Variants in PTGES3 observed in about 807,000 individuals in gnomAD.
PTGES3 encodes Hsp90 co-chaperone.
In PTGES3, 5 loss-of-function variants were observed where a neutral mutation model predicts 29.9. The ratio of observed to expected loss-of-function variants is 0.17; its 90% CI spans 0.09 to 0.35. PTGES3 has a LOEUF of 0.35. PTGES3 is among the 10% of genes least tolerant of loss of function. The pLI is 1.00. For missense variants in PTGES3, 128 were observed against 190.0 expected (o/e 0.67, Z 1.92); for synonymous variants, 49 against 57.8 (o/e 0.85, Z 0.69).
chr12:56,675,239 G>A (rs942237886), intron 1 of PTGES3, among the ~76,000 whole-genome samples: 1 of 151,694 alleles, frequency 6.6e-6, no homozygotes, highest in African/African-American at 2.4e-5. Flanking sequence ...GGTAGAGGTT[G>A]CAGCGAGCCA....
rs1952543724 is a variant in PTGES3 at position 56,681,542 on chromosome 12, A to AG, written c.2+6455_2+6456insC. Among the ~76,000 whole-genome samples, 4 of 142,052 alleles carry AG rather than the reference A, an allele frequency of 2.8e-5. No homozygotes were observed. The South Asian group carries it at 9.4e-4, about 33-fold the overall frequency. The allele number at this position is 142,052 out of a possible 152,430, so 93.2% of individuals were successfully genotyped here. On this transcript the variant is annotated intron_variant, in intron 1 of 7. Transcript: ENST00000262033. ...AACAGAGTGAGACTCCATCTCAAAA[A>AG]AAAAAAAAAAAAAAAAAAAGAATCA...
chr12:56,683,473 C>CAAAAAAAAAAAAAAAAAAAAA lies in PTGES3; in HGVS notation c.2+4504_2+4524dup, dbSNP rs71081388. Among the ~76,000 whole-genome samples, 12 of 29,760 alleles carry CAAAAAAAAAAAAAAAAAAAAA rather than the reference C, an allele frequency of 4.0e-4. 4 individuals are homozygous for CAAAAAAAAAAAAAAAAAAAAA. Among genetic ancestry groups the CAAAAAAAAAAAAAAAAAAAAA allele is most frequent in the Non-Finnish European group, 7.5e-4 (12 of 15,980 alleles). The allele number at this position is 29,760 out of a possible 152,430, so 19.5% of individuals were successfully genotyped here. A position where few individuals can be genotyped will look rare whatever the true frequency, so the allele number is the denominator to read the frequency against. ...GGGCAACAAGAGAGAAACTCTGTCT[C>CAAAAAAAAAAAAAAAAAAAAA]AAAAAAAAAAAAAAAAAAAAAAAAA... On this transcript the variant is annotated intron_variant, in intron 1 of 7. Coordinates refer to ENST00000262033, the MANE Select transcript of PTGES3 (RefSeq NM_006601.7).
At chr12:56,672,904 G>A in intron 2 of PTGES3, 48 bp downstream of exon 2, 1 of 1,559,184 alleles carries the variant, frequency 6.4e-7, no homozygotes, top group East Asian at 2.3e-5. Context: ...AAGTTATTCA[G>A]TTGTGTGAAT....
At chr12:56,666,603 C>G (rs1230414701) in intron 5 of PTGES3, among the ~76,000 whole-genome samples, 1 of 151,968 alleles carries the variant, frequency 6.6e-6, no homozygotes, top group African/African-American at 2.4e-5. Context: ...AGCTATCTAT[C>G]TTAAGTTAGG....
intron 1 of PTGES3, among the ~76,000 whole-genome samples, chr12:56,676,609 G>A (rs1461517156): frequency 6.6e-6 from 1 of 152,036 alleles, no homozygotes; most frequent in Non-Finnish European, 1.5e-5. Context: ...CTCAAAAGAC[G>A]GAATGTGGAA....
At position 56,679,435 on chromosome 12, in the gene PTGES3, T is replaced by C. The variant is rs537872639; in HGVS notation, c.3-6370A>G. 1.0e-4 allele frequency among the ~76,000 whole-genome samples: 13 copies of C among 129,126 alleles called. 1 individual carries two copies. The East Asian group carries it at 2.4e-3, about 23-fold the overall frequency. 84.7% of individuals were successfully genotyped at this position (129,126 alleles called of 152,430 possible). A position where few individuals can be genotyped will look rare whatever the true frequency, so the allele number is the denominator to read the frequency against. On this transcript the variant is annotated intron_variant, in intron 1 of 7. Transcript: ENST00000262033. ...AAAAAAAAAAAAAAAAAAAAAAGCATGGAATGTCCGCCTGTGGGGTTTATT... is the reference window on the plus strand; with the variant it reads ...AAAAAAAAAAAAAAAAAAAAAAGCACGGAATGTCCGCCTGTGGGGTTTATT...
intron 5 of PTGES3, 33 bp from the exon 6 acceptor site, chr12:56,666,299 G>A: frequency 1.9e-6 from 3 of 1,596,384 alleles, no homozygotes; most frequent in Non-Finnish European, 2.6e-6. Flanking sequence ...TTTTAAAAAT[G>A]ATGTTAAGTT....
In PTGES3 at chr12:56,663,839, G is replaced by A. The variant is rs1297582625; in HGVS notation, c.*640C>T. ...GCTTTCTTCGTCCTCCATGCTAAGAGATGTAAAAGCTTAAGGGTCAAACAA... is the reference window on the plus strand; with the variant it reads ...GCTTTCTTCGTCCTCCATGCTAAGAAATGTAAAAGCTTAAGGGTCAAACAA... On this transcript the variant is annotated 3_prime_UTR_variant, in exon 8 of 8. Coordinates refer to ENST00000262033, the MANE Select transcript of PTGES3 (RefSeq NM_006601.7). The A allele has an allele frequency of 6.5e-6, 1 of 152,690 alleles. No homozygotes were observed. The highest frequency in any genetic ancestry group is 1.5e-5 in the Non-Finnish European group (1 of 68,098). 9.5% of individuals were successfully genotyped at this position (152,690 alleles called of 1,614,324 possible).
intron 1 of PTGES3, among the ~76,000 whole-genome samples, chr12:56,684,453 A>G (rs1200008701): frequency 2.0e-5 from 3 of 152,208 alleles, no homozygotes; most frequent in Non-Finnish European, 4.4e-5. Flanking sequence ...ACAATATAGC[A>G]TATGTTCACT....
At chr12:56,683,960 AAAAAAAAAAAAC>A (rs562392834) in intron 1 of PTGES3, among the ~76,000 whole-genome samples, 2,527 of 150,774 alleles carry the variant, frequency 0.017, 29 homozygotes, top group Middle Eastern at 0.037. Context: ...TCCGTCTCAA[AAAAAAAAAAAAC>A]AAAAAAAACA....
chr12:56,685,104 CAA>C (rs58687422), intron 1 of PTGES3, among the ~76,000 whole-genome samples: 3 of 151,302 alleles, frequency 2.0e-5, no homozygotes, highest in Middle Eastern at 3.4e-3. Flanking sequence ...ACCCTGTCTC[CAA>C]AAAAAACACT....
chr12:56,676,548 C>T (rs574374024), intron 1 of PTGES3, among the ~76,000 whole-genome samples: 54 of 152,078 alleles, frequency 3.6e-4, no homozygotes, highest in African/African-American at 1.2e-3. Context: ...AAGAAGAATG[C>T]TTCAGGGTCT....
chr12:56,687,017 A>AG lies in PTGES3; in HGVS notation c.2+980_2+981insC, dbSNP rs1565881756. 3 of 389,976 alleles carry AG rather than the reference A, an allele frequency of 7.7e-6. No homozygotes were observed. The East Asian group carries it at 1.2e-4, about 16-fold the overall frequency. The allele number at this position is 389,976 out of a possible 1,614,324, so 24.2% of individuals were successfully genotyped here. A position where few individuals can be genotyped will look rare whatever the true frequency, so the allele number is the denominator to read the frequency against. On this transcript the variant is annotated intron_variant, in intron 1 of 7. Transcript: ENST00000262033. ...AATAACCTCCCGTCAAAAAAAAAAA[A>AG]AAAAAAAAAAAAACCCTGTAAAACC...
intron 1 of PTGES3, among the ~76,000 whole-genome samples, chr12:56,683,702 G>A (rs539867482): frequency 2.6e-5 from 4 of 151,310 alleles, no homozygotes; most frequent in South Asian, 2.1e-4. Flanking sequence ...GCTCACGCCT[G>A]TAATCCCAGC....
At chr12:56,687,220 C>T (rs1462510778) in intron 1 of PTGES3, 1 of 1,040,210 alleles carries the variant, frequency 9.6e-7, no homozygotes, top group Non-Finnish European at 1.2e-6. Flanking sequence ...CTATTTCATC[C>T]TACACTGTAA....
rs1038900340 is a variant in PTGES3, at chr12:56,688,217, G to A, written c.-218C>T. On this transcript the variant is annotated 5_prime_UTR_variant, in exon 1 of 8. Transcript: ENST00000262033. ...CGGCTCCTCCGGTCGGGGAGAAGAG[G>A]AAAGTGTAGGAAAAGGGGCGCGAGG... 6.2e-5 allele frequency: 49 copies of A among 788,588 alleles called. 1 individual carries two copies. The highest frequency in any genetic ancestry group is 8.4e-5 in the Non-Finnish European group (46 of 549,208). The allele number at this position is 788,588 out of a possible 1,614,324, so 48.8% of individuals were successfully genotyped here. A position where few individuals can be genotyped will look rare whatever the true frequency, so the allele number is the denominator to read the frequency against.
intron 4 of PTGES3, chr12:56,670,801 C>T (rs919560979): frequency 5.8e-6 from 1 of 172,140 alleles, no homozygotes; most frequent in African/African-American, 2.4e-5. Context: ...ATGTAATTAG[C>T]ACACAAAGAA....
intron 6 of PTGES3, chr12:56,665,283 T>TA: frequency 1.8e-5 from 12 of 660,730 alleles, no homozygotes; most frequent in South Asian, 7.1e-5. Context: ...CCAATGTCCA[T>TA]CTTTTTTTTT....
At chr12:56,668,616 T>A (rs1951874449) in intron 5 of PTGES3, among the ~76,000 whole-genome samples, 1 of 152,084 alleles carries the variant, frequency 6.6e-6, no homozygotes, top group Non-Finnish European at 1.5e-5. Flanking sequence ...GAAAGTACAA[T>A]TAAAAAATAA....
Sources: gnomAD v4.1 joint callset for allele counts (sites outside exome capture counted in the v4.1 genomes callset) on GRCh38, gnomAD v4.1.1 for gene constraint, MANE v1.5 for transcripts, NCBI Gene and HGNC (gene_info 2026-07-23, HGNC 2026-07-21) for gene names.